Variants in EXOC4 observed in about 807,000 individuals in gnomAD.
The protein encoded by EXOC4 is exocyst complex component 4.
In EXOC4, 71 loss-of-function variants were observed where a neutral mutation model predicts 107.2. That is an observed-to-expected ratio of 0.66 (90% CI 0.55 to 0.81). The LOEUF is 0.81. Among genes scored for constraint, EXOC4 ranks in the 30% least tolerant of loss-of-function variants. EXOC4 has a pLI of 0.00. For missense variants in EXOC4, 1,108 were observed against 1,189.6 expected, an observed-to-expected ratio of 0.93 and a Z score of 1.01; for synonymous variants, 456 against 441.2, an observed-to-expected ratio of 1.03 and a Z score of -0.42.
intron 7 of EXOC4, among the ~76,000 whole-genome samples, chr7:133,381,204 A>G (rs181150466): frequency 3.9e-4 from 59 of 152,236 alleles, no homozygotes; most frequent in African/African-American, 1.3e-3. Flanking sequence ...CTTTTAAATT[A>G]TTTTTAGATT....
intron 9 of EXOC4, among the ~76,000 whole-genome samples, chr7:133,601,025 T>C (rs1271120222): frequency 6.6e-6 from 1 of 152,228 alleles, no homozygotes; most frequent in African/African-American, 2.4e-5. Flanking sequence ...TCCTGGGTTG[T>C]CCTGTAAGAG....
At chr7:133,870,601 T>A (rs1798731167) in intron 11 of EXOC4, among the ~76,000 whole-genome samples, 1 of 152,222 alleles carries the variant, frequency 6.6e-6, no homozygotes, top group Non-Finnish European at 1.5e-5. Context: ...ATGTCTGTAC[T>A]CCTTCTTGAC....
intron 10 of EXOC4, among the ~76,000 whole-genome samples, chr7:133,729,617 G>A (rs1443190806): frequency 6.6e-6 from 1 of 152,044 alleles, no homozygotes; most frequent in African/African-American, 2.4e-5. Flanking sequence ...TGACTGGAAG[G>A]GAGTGCTTAC....
intron 9 of EXOC4, among the ~76,000 whole-genome samples, chr7:133,577,819 G>A (rs1334320850): frequency 6.6e-6 from 1 of 152,082 alleles, no homozygotes; most frequent in Non-Finnish European, 1.5e-5. Flanking sequence ...GAAGCTGGTA[G>A]TTTTGTTTGA....
At chr7:133,646,489 G>T (rs1802995770) in intron 10 of EXOC4, among the ~76,000 whole-genome samples, 2 of 151,120 alleles carry the variant, frequency 1.3e-5, no homozygotes, top group East Asian at 1.9e-4. Context: ...TTTTTCAAAT[G>T]GCCTTGATAT....
At chr7:133,853,364 AC>A (rs1798279066) in intron 11 of EXOC4, among the ~76,000 whole-genome samples, 1 of 114,898 alleles carries the variant, frequency 8.7e-6, no homozygotes. Flanking sequence ...ACACACACAC[AC>A]ACACACACAC....
rs1370715441 is a variant in EXOC4 at position 133,857,147 on chromosome 7, CGTATATATAT to C, written c.1735-38451_1735-38442del. Among the ~76,000 whole-genome samples, 8 of 19,104 alleles carry C rather than the reference CGTATATATAT, an allele frequency of 4.2e-4. 1 individual carries two copies. The highest frequency in any genetic ancestry group is 5.4e-4 in the Non-Finnish European group (6 of 11,122). 12.5% of individuals were successfully genotyped at this position (19,104 alleles called of 152,430 possible). A position where few individuals can be genotyped will look rare whatever the true frequency, so the allele number is the denominator to read the frequency against. On this transcript the variant is annotated intron_variant, in intron 11 of 17. Coordinates refer to ENST00000253861, the MANE Select transcript of EXOC4 (RefSeq NM_021807.4). The stretch of plus-strand genomic sequence containing the variant: ...ATATGTATATATATATACACATACA[CGTATATATAT>C]ATATATATATATATATATATATATA...
chr7:133,674,046 AT>A, intron 10 of EXOC4, among the ~76,000 whole-genome samples: 1 of 152,284 alleles, frequency 6.6e-6, no homozygotes, highest in African/African-American at 2.4e-5. Context: ...AAGGCAAGGA[AT>A]TTGTGTCACT....
chr7:134,081,427 A>G, the EXOC4 span, among the ~76,000 whole-genome samples: 1 of 152,130 alleles, frequency 6.6e-6, no homozygotes, highest in Admixed American at 6.6e-5. Context: ...ATTTTTCTCC[A>G]TAGTTTTTAT....
chr7:133,310,045 ATAGG>A (rs1171527698), intron 4 of EXOC4, among the ~76,000 whole-genome samples: 5 of 152,220 alleles, frequency 3.3e-5, no homozygotes, highest in Admixed American at 6.5e-5. Context: ...GGAAATTTGG[ATAGG>A]TAGGAGAAAG....
rs181299118 is a variant in EXOC4, at chr7:133,992,188, C to T, written c.2207-5304C>T. Among the ~76,000 whole-genome samples, 67 of 151,980 alleles carry T rather than the reference C, an allele frequency of 4.4e-4. No homozygotes were observed. In the East Asian group the frequency reaches 0.012, roughly 28 times the overall value. ...GTCTTTTACTTTGATTAAATTTATT[C>T]GTAGGTTTTTCTTATTGTAAATTGG... is the stretch of plus-strand genomic sequence containing the variant. On this transcript the variant is annotated intron_variant, in intron 14 of 17. Coordinates refer to ENST00000253861, the MANE Select transcript of EXOC4 (RefSeq NM_021807.4).
At chr7:133,401,471 T>G (rs569117053) in intron 7 of EXOC4, among the ~76,000 whole-genome samples, 1 of 151,884 alleles carries the variant, frequency 6.6e-6, no homozygotes, top group South Asian at 2.1e-4. Context: ...GACCAGCCTG[T>G]GCAATATACT....
intron 8 of EXOC4, among the ~76,000 whole-genome samples, chr7:133,477,414 C>T (rs1007351169): frequency 6.6e-6 from 1 of 152,154 alleles, no homozygotes. Flanking sequence ...CAGTGTGTAG[C>T]CTTTTCAGAA....
At chr7:133,703,717 C>A (rs1794712343) in intron 10 of EXOC4, among the ~76,000 whole-genome samples, 1 of 152,228 alleles carries the variant, frequency 6.6e-6, no homozygotes, top group Non-Finnish European at 1.5e-5. Context: ...CCCAACACAG[C>A]TGTTCTGTCT....
chr7:133,378,278 C>A (rs1164165801), intron 7 of EXOC4, among the ~76,000 whole-genome samples: 1 of 149,830 alleles, frequency 6.7e-6, no homozygotes, highest in East Asian at 2.0e-4. Context: ...CCACTGCACT[C>A]CAGCCTGGGC....
chr7:133,613,682 G>A (rs1334993117), intron 9 of EXOC4, among the ~76,000 whole-genome samples: 1 of 152,050 alleles, frequency 6.6e-6, no homozygotes, highest in African/African-American at 2.4e-5. Context: ...GCCATATCAA[G>A]ATAAATGAAT....
intron 4 of EXOC4, among the ~76,000 whole-genome samples, chr7:133,312,742 C>G (rs1473388739): frequency 6.6e-6 from 1 of 151,394 alleles, no homozygotes; most frequent in Non-Finnish European, 1.5e-5. Flanking sequence ...CCTCAGCCTC[C>G]TAAGTAACTG....
intron 10 of EXOC4, among the ~76,000 whole-genome samples, chr7:133,780,139 G>T (rs528314577): frequency 6.6e-6 from 1 of 152,154 alleles, no homozygotes; most frequent in Admixed American, 6.5e-5. Flanking sequence ...CAAAAAACTA[G>T]TGGTCACTAA....
chr7:134,052,714 G>GA (rs1795826325), intron 17 of EXOC4, among the ~76,000 whole-genome samples: 2 of 152,120 alleles, frequency 1.3e-5, no homozygotes, highest in Non-Finnish European at 2.9e-5. Context: ...ATGCTTAAAT[G>GA]AAAAAACTGA....
Sources: allele counts gnomAD v4.1 joint callset (sites outside exome capture counted in the v4.1 genomes callset), GRCh38; gene constraint gnomAD v4.1.1; transcripts MANE v1.5; gene names NCBI Gene and HGNC (gene_info 2026-07-23, HGNC 2026-07-21).